The following DENND4A variants were observed in gnomAD, a reference collection of about 807,000 sequenced individuals.
The protein encoded by DENND4A is C-myc promoter-binding protein.
A neutral mutation model predicts 199.3 loss-of-function variants in DENND4A; 70 were observed. The observed-to-expected ratio is 0.35, with a 90% CI of 0.29 to 0.43. The LOEUF (loss-of-function observed/expected upper bound fraction) is 0.43, where lower values mean the gene tolerates loss of function less well. Ranked by LOEUF, DENND4A falls within the 20% of genes least tolerant of loss-of-function variation. The pLI is 1.00. For missense variants in DENND4A, 1,723 were observed against 2,255.8 expected, an observed-to-expected ratio of 0.76 and a Z score of 4.78; for synonymous variants, 686 against 766.9, an observed-to-expected ratio of 0.89 and a Z score of 1.74.
At chr15:65,746,369 C>CTCTCTTTTTTTTTTTTTT (rs2076392238) in intron 4 of DENND4A, among the ~76,000 whole-genome samples, 1 of 51,270 alleles carries the variant, frequency 2.0e-5, no homozygotes, top group African/African-American at 7.0e-5. Context: ...ACTTTTTTCT[C>CTCTCTTTTTTTTTTTTTT]TTTTTTTTTT....
At chr15:65,779,179 G>C (rs1303068097) in intron 1 of DENND4A, among the ~76,000 whole-genome samples, 1 of 152,104 alleles carries the variant, frequency 6.6e-6, no homozygotes, top group East Asian at 1.9e-4. Flanking sequence ...AAAAAGGCCA[G>C]GCGCAGTGGC....
chr15:65,771,435 T>G lies in DENND4A; in HGVS notation c.-101-9997A>C, dbSNP rs2077121524. On this transcript the variant is annotated intron_variant, in intron 1 of 32. Coordinates refer to ENST00000443035, the MANE Select transcript of DENND4A (RefSeq NM_001320835.1). ...CTGACATAATAAACACCACCCAAGT[T>G]TTCTGTCTGCGTTTTAATAGTTTGC... The G allele has an allele frequency of 2.5e-6, 4 of 1,596,614 alleles. No homozygotes were observed. In the African/African-American group the frequency reaches 4.0e-5, roughly 16 times the overall value.
chr15:65,758,312 T>C (rs2076765702), intron 2 of DENND4A, among the ~76,000 whole-genome samples: 1 of 152,176 alleles, frequency 6.6e-6, no homozygotes, highest in Admixed American at 6.6e-5. Flanking sequence ...TTAATTTTAT[T>C]TATGTATTTA....
rs2074834947 is a variant in DENND4A, at chr15:65,700,651, A to G, written c.2726T>C (p.Val909Ala). 1.3e-6 allele frequency: 2 copies of G among 1,544,148 alleles called. No individual in the cohort carries two copies. Among genetic ancestry groups the G allele is most frequent in the Non-Finnish European group, 1.7e-6 (2 of 1,144,578 alleles). Residue 909 changes from valine (V) to alanine (A), a missense_variant, in exon 20 of 33, where the codon GTT becomes GCT. By Grantham distance (64) the Val-to-Ala change is moderately conservative. Around this residue, in one of 6 missense-constraint regions of DENND4A, gnomAD observed 650 missense variants for 738.1 expected, o/e 0.88. Transcript: ENST00000443035. ...LSADGSDLDA[V>A]SHGSMDSGHG... ...ACCACTATCCATGCTGCCATGACTA[A>G]CAGCATCCAGGTCACTGCCATCTGC...
intron 22 of DENND4A, among the ~76,000 whole-genome samples, chr15:65,692,538 T>G (rs1486222746): frequency 6.6e-6 from 1 of 152,202 alleles, no homozygotes; most frequent in African/African-American, 2.4e-5. Flanking sequence ...TTTCTTGTCA[T>G]GTGATGCATG....
At chr15:65,665,536 T>TGAA in intron 29 of DENND4A, 74 bp from the exon 30 acceptor site, 1 of 1,193,414 alleles carries the variant, frequency 8.4e-7, no homozygotes, top group Non-Finnish European at 1.1e-6. Context: ...AAAATTCTTA[T>TGAA]AAATATTTTT....
At chr15:65,701,952 TA>T in intron 17 of DENND4A, 62 bp from the exon 18 acceptor site, 1 of 1,599,476 alleles carries the variant, frequency 6.3e-7, no homozygotes. Flanking sequence ...AAATCTAGAA[TA>T]AAATAATGCA....
intron 32 of DENND4A, among the ~76,000 whole-genome samples, chr15:65,663,944 AC>A (rs1160719029): frequency 6.6e-6 from 1 of 151,982 alleles, no homozygotes; most frequent in Non-Finnish European, 1.5e-5. Flanking sequence ...GAGCTACCGC[AC>A]CCGGCTCCTT....
intron 4 of DENND4A, among the ~76,000 whole-genome samples, chr15:65,746,701 A>G (rs2076409236): frequency 6.6e-6 from 1 of 151,318 alleles, no homozygotes; most frequent in South Asian, 2.1e-4. Context: ...TTCTAAGTAA[A>G]CTCGCTAAAT....
chr15:65,735,575 T>C (rs1329381294), intron 7 of DENND4A, among the ~76,000 whole-genome samples: 2 of 152,206 alleles, frequency 1.3e-5, no homozygotes, highest in Non-Finnish European at 2.9e-5. Context: ...ATAATTGCAG[T>C]AAAAGAGTGT....
In DENND4A at chr15:65,741,746, C is replaced by A. The variant is rs1291986839; in HGVS notation, c.600G>T (p.Val200=). ...TGTAAGATACAGTGTTCGTCTTTGC[C>A]ACCGATTTTTTATAACACAAGTATA... is the stretch of plus-strand genomic sequence containing the variant. The part of the protein sequence containing the change: ...SAVYLCYKKS[V]AKTNTVSYKA... Residue 200 remains valine (V), a synonymous_variant, in exon 5 of 33, where the codon GTG becomes GTT. Transcript: ENST00000443035. 3.1e-6 allele frequency: 5 copies of A among 1,612,668 alleles called. No individual in the cohort carries two copies. Among genetic ancestry groups the A allele is most frequent in the Non-Finnish European group, 8.5e-7 (1 of 1,179,424 alleles).
At chr15:65,756,544 A>G in intron 2 of DENND4A, 72 bp from the exon 3 acceptor site, 1 of 1,153,254 alleles carries the variant, frequency 8.7e-7, no homozygotes, top group South Asian at 1.7e-5. Flanking sequence ...GTGTGCAAAT[A>G]AGAACAAAAA....
rs2076697204 is a variant in DENND4A, at chr15:65,756,194, T to G, written c.257A>C (p.Gln86Pro). 6.2e-7 allele frequency: 1 copy of G among 1,611,446 alleles called. No individual in the cohort carries two copies. Among genetic ancestry groups the G allele is most frequent in the Admixed American group, 1.7e-5 (1 of 59,626 alleles). The change falls in exon 3 of 33, where the codon CAG (glutamine) becomes CCG (proline). Residue 86 changes from glutamine (Q) to proline (P), a missense_variant. By Grantham distance (76) the Gln-to-Pro change is moderately conservative. Transcript: ENST00000443035. Reference protein sequence around the residue: ...DLNNGSLVGPQIYLCYRRGRD... With the variant: ...DLNNGSLVGPPIYLCYRRGRD... Reference sequence around the variant, plus strand: ...TCCTCTTCTATAGCAAAGGTAAATCTGTGGCCCCACAAGACTTCCATTATT... The same window carrying G: ...TCCTCTTCTATAGCAAAGGTAAATCGGTGGCCCCACAAGACTTCCATTATT...
intron 4 of DENND4A, among the ~76,000 whole-genome samples, chr15:65,750,773 G>A (rs1731297777): frequency 6.6e-6 from 1 of 151,250 alleles, no homozygotes; most frequent in Admixed American, 6.6e-5. Context: ...ACAAAGACAA[G>A]ACAGTTAAGG....
chr15:65,771,332 T>C (rs2077119287), intron 1 of DENND4A: 4 of 1,588,532 alleles, frequency 2.5e-6, no homozygotes, highest in African/African-American at 1.3e-5. Context: ...ATTTCGAATA[T>C]TAGTCACATA....
intron 14 of DENND4A, among the ~76,000 whole-genome samples, chr15:65,711,708 AACTT>A (rs2075256450): frequency 6.6e-6 from 1 of 152,228 alleles, no homozygotes; most frequent in Admixed American, 6.5e-5. Context: ...AAACTCATTA[AACTT>A]TGTACATCAA....
intron 1 of DENND4A, chr15:65,766,586 A>T (rs1451507584): frequency 2.6e-5 from 4 of 152,190 alleles, no homozygotes; most frequent in African/African-American, 9.7e-5. Flanking sequence ...ACAAGTTCTC[A>T]ACAGGCAACT....
chr15:65,696,128 A>G (rs2077137034), intron 22 of DENND4A, among the ~76,000 whole-genome samples: 1 of 152,126 alleles, frequency 6.6e-6, no homozygotes, highest in Non-Finnish European at 1.5e-5. Context: ...CCAACAGTCT[A>G]AACTCAAAAG....
chr15:65,729,004 A>G, intron 11 of DENND4A, 68 bp downstream of exon 11: 1 of 1,385,808 alleles, frequency 7.2e-7, no homozygotes, highest in Non-Finnish European at 1.0e-6. Flanking sequence ...CAATCATAAA[A>G]TATACAGTTA....
Sources: gnomAD v4.1 joint callset for allele counts (sites outside exome capture counted in the v4.1 genomes callset) on GRCh38, gnomAD v4.1.1 for gene constraint, gnomAD v4.1.1 regional missense constraint, MANE v1.5 for transcripts, NCBI Gene and HGNC (gene_info 2026-07-23, HGNC 2026-07-21) for gene names.